Variants in COL27A1 observed in about 807,000 individuals in gnomAD.
COL27A1 encodes the protein collagen alpha-1(XXVII) chain.
COL27A1 carries 106 observed loss-of-function variants against 251.3 expected under a neutral mutation model. The observed-to-expected ratio is 0.42, with a 90% CI of 0.36 to 0.50. The LOEUF is 0.50. Ranked by LOEUF, COL27A1 falls within the 20% of genes least tolerant of loss-of-function variation. The pLI is 0.00. For missense variants in COL27A1, 2,325 were observed against 2,522.8 expected, an observed-to-expected ratio of 0.92 and a Z score of 1.68; for synonymous variants, 1,000 against 986.3, an observed-to-expected ratio of 1.01 and a Z score of -0.26.
At chr9:114,259,710 G>A (rs1413166183) in intron 28 of COL27A1, among the ~76,000 whole-genome samples, 1 of 152,198 alleles carries the variant, frequency 6.6e-6, no homozygotes, top group Non-Finnish European at 1.5e-5. Flanking sequence ...ATCACACAGG[G>A]AGGGTTGACA....
At chr9:114,166,719 G>T (rs1333686816) in intron 2 of COL27A1, among the ~76,000 whole-genome samples, 1 of 152,214 alleles carries the variant, frequency 6.6e-6, no homozygotes, top group African/African-American at 2.4e-5. Flanking sequence ...TGACTGAAGG[G>T]GTCTAATGAC....
intron 13 of COL27A1, among the ~76,000 whole-genome samples, chr9:114,220,270 C>A (rs1056331454): frequency 6.6e-6 from 1 of 152,354 alleles, no homozygotes; most frequent in Admixed American, 6.5e-5. Flanking sequence ...GGAATCTCCA[C>A]CACAGGCATG....
rs138385027 is a variant in COL27A1 at position 114,308,017 on chromosome 9, A to G, written c.5217+239A>G. Among the ~76,000 whole-genome samples the G allele has an allele frequency of 9.8e-4, 149 of 152,358 alleles. 1 individual carries two copies. Among genetic ancestry groups the G allele is most frequent in the African/African-American group, 3.5e-3 (144 of 41,580 alleles). On this transcript the variant is annotated intron_variant, in intron 59 of 60. Transcript: ENST00000356083. ...GATGCTGATGATTCTTTCTTCAAAT[A>G]GAATCTTCTGCCTAATATCTAAAGC...
At chr9:114,177,312 C>T (rs1428077651) in intron 3 of COL27A1, among the ~76,000 whole-genome samples, 2 of 152,218 alleles carry the variant, frequency 1.3e-5, no homozygotes, top group African/African-American at 4.8e-5. Flanking sequence ...CACACAGATG[C>T]TCCTTAAATG....
At chr9:114,156,096 C>T (rs1018103093) in intron 1 of COL27A1, 84 bp downstream of exon 1, 6 of 1,287,084 alleles carry the variant, frequency 4.7e-6, no homozygotes, top group African/African-American at 3.0e-5. Flanking sequence ...GCCATGCGGT[C>T]GCTTCCAGCG....
At chr9:114,304,946 C>T (rs893067886) in intron 57 of COL27A1, among the ~76,000 whole-genome samples, 14 of 152,234 alleles carry the variant, frequency 9.2e-5, no homozygotes, top group Admixed American at 5.2e-4. Flanking sequence ...AGTCTCCAAG[C>T]TCTTGCTGGC....
chr9:114,240,334 G>A (rs1417578126), intron 20 of COL27A1, 61 bp downstream of exon 20: 2 of 1,583,312 alleles, frequency 1.3e-6, no homozygotes, highest in African/African-American at 2.7e-5. Flanking sequence ...GAAACCACAG[G>A]GGCTGGCTGC....
chr9:114,193,869 C>T (rs1360504624), intron 5 of COL27A1, among the ~76,000 whole-genome samples: 1 of 152,142 alleles, frequency 6.6e-6, no homozygotes, highest in Non-Finnish European at 1.5e-5. Flanking sequence ...TGGCCACGTG[C>T]ACGGGCAGAG....
chr9:114,286,258 C>T (rs988643817), intron 41 of COL27A1, among the ~76,000 whole-genome samples: 8 of 152,156 alleles, frequency 5.3e-5, no homozygotes, highest in Admixed American at 6.5e-5. Context: ...CACACGCCCA[C>T]GTGCAGAGTT....
At chr9:114,154,110 C>T (rs1002725481), upstream of COL27A1, among the ~76,000 whole-genome samples, 1 of 152,100 alleles carries the variant, frequency 6.6e-6, no homozygotes, top group Non-Finnish European at 1.5e-5. The surrounding 1 kb of genome is among the most constrained non-coding windows in gnomAD (Gnocchi z 5.8). Flanking sequence ...ACCTATGAGC[C>T]GCCCCCAGCT....
chr9:114,169,050 A>G lies in COL27A1; in HGVS notation c.1495A>G (p.Arg499Gly), dbSNP rs200519980. The G allele has an allele frequency of 1.2e-5, 19 of 1,614,026 alleles. No homozygotes were observed. In the East Asian group the frequency reaches 4.2e-4, roughly 36 times the overall value. The change falls in exon 3 of 61, where the codon AGG becomes GGG. Residue 499 changes from arginine (R) to glycine (G), a missense_variant. Coordinates refer to ENST00000356083, the MANE Select transcript of COL27A1 (RefSeq NM_032888.4). Reference protein sequence around the residue: ...SSPAPTPGSTRSTRPPATMVP... With the variant: ...SSPAPTPGSTGSTRPPATMVP... ...TCCTGCCCCTACTCCTGGTTCTACC[A>G]GGAGTACTCGGCCACCAGCCACGAT...
At chr9:114,209,523 T>G in intron 10 of COL27A1, 152 bp from the exon 11 acceptor site, 1 of 794,208 alleles carries the variant, frequency 1.3e-6, no homozygotes, top group South Asian at 1.3e-5. Context: ...TCAAGGCCTA[T>G]GTCATCGAGG....
chr9:114,214,908 G>A (rs921882871), intron 12 of COL27A1, among the ~76,000 whole-genome samples: 3 of 152,272 alleles, frequency 2.0e-5, no homozygotes, highest in African/African-American at 4.8e-5. Context: ...CTCACAGTGA[G>A]AGACTGAGCC....
chr9:114,282,684 C>G, intron 39 of COL27A1, 120 bp downstream of exon 39: 1 of 645,638 alleles, frequency 1.5e-6, no homozygotes, highest in South Asian at 2.3e-5. Context: ...TAGCTGAACA[C>G]CTGGTGCTCA....
intron 4 of COL27A1, among the ~76,000 whole-genome samples, chr9:114,181,705 T>A (rs1827935279): frequency 6.6e-6 from 1 of 152,178 alleles, no homozygotes; most frequent in Admixed American, 6.5e-5. Flanking sequence ...GGGCCCTTGC[T>A]GGAGAAAGTG....
intron 33 of COL27A1, 110 bp from the exon 34 acceptor site, chr9:114,267,394 A>T: frequency 1.2e-6 from 1 of 856,996 alleles, no homozygotes; most frequent in Non-Finnish European, 1.8e-6. Context: ...CATCTCTTGC[A>T]CTGTGTGACC....
At chr9:114,301,979 G>A in intron 55 of COL27A1, 103 bp from the exon 56 acceptor site, 1 of 1,182,136 alleles carries the variant, frequency 8.5e-7, no homozygotes, top group Non-Finnish European at 1.2e-6. Flanking sequence ...GGCCAGCTTG[G>A]CAGGTCCTGC....
intron 16 of COL27A1, among the ~76,000 whole-genome samples, chr9:114,234,361 G>T (rs1422731014): frequency 6.6e-6 from 1 of 151,950 alleles, no homozygotes; most frequent in Non-Finnish European, 1.5e-5. Context: ...TCTTTTGTTA[G>T]GTCATGGCCT....
rs550448965 is a variant in COL27A1, at chr9:114,296,453, G to T, written c.4585-3617G>T. ...ATAGCAAATAAGCACATGAGAAAAA[G>T]ATTAATATCATTAGTCATTAGACAA... On this transcript the variant is annotated intron_variant, in intron 49 of 60. Transcript: ENST00000356083. 3.3e-5 allele frequency among the ~76,000 whole-genome samples: 5 copies of T among 152,302 alleles called. No homozygotes were observed. In the East Asian group the frequency reaches 7.7e-4, roughly 23 times the overall value.
Sources: allele counts gnomAD v4.1 joint callset (sites outside exome capture counted in the v4.1 genomes callset), GRCh38; gene constraint gnomAD v4.1.1; non-coding constraint Gnocchi (gnomAD v3.1); transcripts MANE v1.5; gene names NCBI Gene and HGNC (gene_info 2026-07-23, HGNC 2026-07-21).